RPL9: variants seen among roughly 807,000 people sequenced by gnomAD.
RPL9 encodes the protein large ribosomal subunit protein uL6.
For missense variants in RPL9, 149 were observed against 236.7 expected (o/e 0.63, Z 2.43); for synonymous variants, 82 against 77.1 (o/e 1.06, Z -0.33).
intron 5 of RPL9, 161 bp from the exon 6 acceptor site, chr4:39,455,105 T>G: frequency 1.5e-6 from 1 of 653,096 alleles, no homozygotes; most frequent in Non-Finnish European, 2.6e-6. Flanking sequence ...ATCTCAGCAC[T>G]TTGGGAGGCC....
At chr4:39,458,577 G>A in intron 1 of RPL9, 137 bp from the exon 2 acceptor site, 6 of 880,192 alleles carry the variant, frequency 6.8e-6, no homozygotes, top group South Asian at 4.8e-5. Flanking sequence ...GAGACCGACA[G>A]CGGGCCCCAG....
intron 7 of RPL9, 76 bp downstream of exon 7, chr4:39,454,457 G>C (rs1744007945): frequency 1.8e-6 from 2 of 1,088,928 alleles, no homozygotes; most frequent in Admixed American, 5.5e-5. Flanking sequence ...TACAAATTCA[G>C]TTTAAGTCTT....
intron 7 of RPL9, 134 bp downstream of exon 7, chr4:39,454,399 G>T: frequency 1.5e-6 from 1 of 679,436 alleles, no homozygotes; most frequent in Non-Finnish European, 2.5e-6. Context: ...CTTTTATTCT[G>T]TCAAATTTAC....
At position 39,457,691 on chromosome 4, in the gene RPL9, A is replaced by C; in HGVS notation, c.163-10T>G. 1 of 1,609,994 alleles carries C rather than the reference A, an allele frequency of 6.2e-7. No individual in the cohort carries two copies. The highest frequency in any genetic ancestry group is 1.1e-5 in the South Asian group (1 of 90,992). On this transcript the variant is annotated splice_polypyrimidine_tract_variant and intron_variant, in intron 3 of 7. Coordinates refer to ENST00000295955, the MANE Select transcript of RPL9 (RefSeq NM_000661.5). Reference sequence around the variant, plus strand: ...ATTTGTCAACCCGGAGCTGTAACAGAACAAAAAATGTATTCTTTCCAGAAA... The same window carrying C: ...ATTTGTCAACCCGGAGCTGTAACAGCACAAAAAATGTATTCTTTCCAGAAA...
chr4:39,454,350 A>G, intron 7 of RPL9, 125 bp from the exon 8 acceptor site: 1 of 550,316 alleles, frequency 1.8e-6, no homozygotes, highest in Non-Finnish European at 3.2e-6. Context: ...TTACTGATTC[A>G]TAGTAAACTA....
At position 39,458,879 on chromosome 4, in the gene RPL9, A is replaced by T. The variant is rs1744255862; in HGVS notation, c.-2+12T>A. On this transcript the variant is annotated intron_variant, in intron 1 of 7. Coordinates refer to ENST00000295955, the MANE Select transcript of RPL9 (RefSeq NM_000661.5). The stretch of plus-strand genomic sequence containing the variant: ...ATTCCCAGTACCCCCACGAGCACAG[A>T]AACATCCTTACCTCGCAGTAGACGC... 1.4e-6 allele frequency: 1 copy of T among 701,322 alleles called. No homozygotes were observed. Among genetic ancestry groups the T allele is most frequent in the Admixed American group, 2.0e-5 (1 of 49,932 alleles). 43.4% of individuals were successfully genotyped at this position (701,322 alleles called of 1,614,324 possible).
chr4:39,456,257 TA>T, intron 5 of RPL9, 148 bp downstream of exon 5: 1 of 833,148 alleles, frequency 1.2e-6, no homozygotes, highest in Non-Finnish European at 2.0e-6. Flanking sequence ...AGTTTAAGTG[TA>T]ATCAAGAGAT....
chr4:39,456,267 A>G, intron 5 of RPL9, 139 bp downstream of exon 5: 1 of 890,442 alleles, frequency 1.1e-6, no homozygotes, highest in South Asian at 1.4e-5. Context: ...TAATCAAGAG[A>G]TAATTCTAAA....
chr4:39,456,971 T>C (rs13143990), intron 4 of RPL9: 20,549 of 168,020 alleles, frequency 0.12, 1,381 homozygotes, highest in Non-Finnish European at 0.14. Context: ...AGGGTGCCAT[T>C]ATCAGGTGCA....
In RPL9 at chr4:39,457,573, T is replaced by C. The variant is rs750378146; in HGVS notation, c.258+13A>G. ...CCCTTTCCAAAACAAGGAAGTCTGATACATCTGCTTACCAGTGTAACACCC... is the reference window on the plus strand; with the variant it reads ...CCCTTTCCAAAACAAGGAAGTCTGACACATCTGCTTACCAGTGTAACACCC... On this transcript the variant is annotated intron_variant, in intron 4 of 7. Transcript: ENST00000295955. 1 of 1,605,564 alleles carries C rather than the reference T, an allele frequency of 6.2e-7. No individual in the cohort carries two copies. Among genetic ancestry groups the C allele is most frequent in the South Asian group, 1.1e-5 (1 of 90,902 alleles).
intron 1 of RPL9, 76 bp from the exon 2 acceptor site, chr4:39,458,516 T>G (rs1312000890): frequency 2.7e-6 from 4 of 1,488,460 alleles, no homozygotes; most frequent in Non-Finnish European, 3.7e-6. Flanking sequence ...AGAGCTCCAC[T>G]CCTACTGGAG....
intron 7 of RPL9, 138 bp from the exon 8 acceptor site, chr4:39,454,363 C>A (rs756430165): frequency 1.7e-6 from 1 of 584,116 alleles, no homozygotes; most frequent in Non-Finnish European, 3.0e-6. Context: ...GTAAACTATA[C>A]GTAGTAAAAT....
intron 4 of RPL9, 168 bp downstream of exon 4, chr4:39,457,417 TC>T (rs1744144216): frequency 1.7e-6 from 1 of 576,716 alleles, no homozygotes; most frequent in Non-Finnish European, 3.1e-6. Context: ...GTCTTTGCTC[TC>T]AGCTCTATCG....
chr4:39,456,581 T>TA, intron 4 of RPL9, 43 bp from the exon 5 acceptor site: 1 of 1,592,464 alleles, frequency 6.3e-7, no homozygotes, highest in East Asian at 2.2e-5. Flanking sequence ...TGCTGAGGAA[T>TA]ATTTTTAATA....
intron 1 of RPL9, 152 bp from the exon 2 acceptor site, chr4:39,458,592 T>G: frequency 1.3e-6 from 1 of 756,716 alleles, no homozygotes; most frequent in Admixed American, 2.5e-5. Flanking sequence ...CCCCAGTGTG[T>G]CCCAGCCTGG....
At chr4:39,458,574 A>C (rs889178195) in intron 1 of RPL9, 134 bp from the exon 2 acceptor site, 2 of 913,924 alleles carry the variant, frequency 2.2e-6, no homozygotes, top group Non-Finnish European at 3.4e-6. Context: ...CGGGAGACCG[A>C]CAGCGGGCCC....
rs79947511 is a variant in RPL9, at chr4:39,458,684, G to A, written c.-2+207C>T. The stretch of plus-strand genomic sequence containing the variant: ...CCAACCCTGGAAGTCCTATGCGGGC[G>A]GTGCCATCCCGGCAAGACTGAGGGG... On this transcript the variant is annotated intron_variant, in intron 1 of 7. Transcript: ENST00000295955. The A allele has an allele frequency of 2.9e-3, 1,789 of 621,150 alleles. 20 individuals carry two copies. Among genetic ancestry groups the A allele is most frequent in the African/African-American group, 0.027 (1,479 of 54,528 alleles). 38.5% of individuals were successfully genotyped at this position (621,150 alleles called of 1,614,324 possible). A position where few individuals can be genotyped will look rare whatever the true frequency, so the allele number is the denominator to read the frequency against.
intron 3 of RPL9, 189 bp downstream of exon 3, chr4:39,458,005 A>G (rs920307200): frequency 4.2e-6 from 3 of 717,070 alleles, no homozygotes; most frequent in Non-Finnish European, 7.5e-6. Context: ...ATTACATTTG[A>G]GCTTTATATA....
At chr4:39,458,667 G>T (rs887618562) in intron 1 of RPL9, 8 of 623,738 alleles carry the variant, frequency 1.3e-5, no homozygotes, top group Non-Finnish European at 2.0e-5. Context: ...GCCCAACCCT[G>T]GAAGTCCTAT....
Sources: allele counts gnomAD v4.1 joint callset, GRCh38; gene constraint gnomAD v4.1.1; transcripts MANE v1.5; gene names NCBI Gene and HGNC (gene_info 2026-07-23, HGNC 2026-07-21).